ATAD3A: variants seen among roughly 807,000 people sequenced by gnomAD.
ATAD3A encodes ATPase family AAA domain-containing protein 3A.
Under a neutral mutation model 73.8 loss-of-function variants are expected in ATAD3A, and 46 were observed. The observed-to-expected ratio is 0.62, with a 90% CI of 0.49 to 0.80. The LOEUF (loss-of-function observed/expected upper bound fraction) is 0.80, where lower values mean the gene tolerates loss of function less well. Ranked by LOEUF, ATAD3A falls within the 30% of genes least tolerant of loss-of-function variation. The pLI is 0.00. For missense variants in ATAD3A, 705 were observed against 838.0 expected, an observed-to-expected ratio of 0.84 and a Z score of 1.96; for synonymous variants, 319 against 350.0, an observed-to-expected ratio of 0.91 and a Z score of 0.99.
chr1:1,518,343 G>A lies in ATAD3A; in HGVS notation c.444+568G>A, dbSNP rs553244626. On this transcript the variant is annotated intron_variant, in intron 4 of 15. Coordinates refer to ENST00000378756, the MANE Select transcript of ATAD3A (RefSeq NM_001170535.3). ...CCCCCACAGGCTCACTGGCACCCGCGCACTCGGGCACACACACAGCCCCAC... is the reference window on the plus strand; with the variant it reads ...CCCCCACAGGCTCACTGGCACCCGCACACTCGGGCACACACACAGCCCCAC... 7.3e-5 allele frequency among the ~76,000 whole-genome samples: 7 copies of A among 95,342 alleles called. No individual in the cohort carries two copies. The East Asian group carries it at 2.2e-3, about 30-fold the overall frequency. 62.5% of individuals were successfully genotyped at this position (95,342 alleles called of 152,430 possible).
chr1:1,517,467 G>A, intron 3 of ATAD3A, 55 bp downstream of exon 3: 1 of 1,353,074 alleles, frequency 7.4e-7, no homozygotes, highest in Non-Finnish European at 9.9e-7. Context: ...AGCGGCCTGG[G>A]GCAGGACTGG....
chr1:1,518,292 C>A (rs369016784), intron 4 of ATAD3A, among the ~76,000 whole-genome samples: 2,940 of 137,554 alleles, frequency 0.021, 137 homozygotes, highest in African/African-American at 0.074. Flanking sequence ...ACGTACCCCC[C>A]CACACACACA....
Position 1,516,020 on chromosome 1 carries a change from A to C in ATAD3A, c.214A>C (p.Lys72Gln). Residue 72 changes from lysine to glutamine, a missense_variant, in exon 2 of 16, where the codon AAG becomes CAG. Physicochemically the swap from Lys to Gln is moderately conservative, Grantham distance 53. Transcript: ENST00000378756. ...ARELEHSRYAKDALNLAQMQE... is the reference protein window; with the variant it reads ...ARELEHSRYAQDALNLAQMQE... ...TGTCCTTGCGTCTGCAGGTTATGCC[A>C]AGGACGCCCTGAATCTGGCACAGAT... 6.2e-7 allele frequency: 1 copy of C among 1,614,060 alleles called. No homozygotes were observed. Among genetic ancestry groups the C allele is most frequent in the Non-Finnish European group, 8.5e-7 (1 of 1,179,946 alleles).
At position 1,522,206 on chromosome 1, in the gene ATAD3A, A is replaced by AT. The variant is rs972795220; in HGVS notation, c.751-532dup. On this transcript the variant is annotated intron_variant, in intron 7 of 15. Coordinates refer to ENST00000378756, the MANE Select transcript of ATAD3A (RefSeq NM_001170535.3). ...AGGCATGTGCCACCATGGCCAGCTA[A>AT]TTTTTTGTATTTTTAGTAGAGACGG... Among the ~76,000 whole-genome samples, 7 of 151,866 alleles carry AT rather than the reference A, an allele frequency of 4.6e-5. 1 individual carries two copies. The highest frequency in any genetic ancestry group is 3.9e-4 in the East Asian group (2 of 5,144).
intron 2 of ATAD3A, among the ~76,000 whole-genome samples, chr1:1,516,335 G>GT (rs1413755809): frequency 6.6e-6 from 1 of 152,096 alleles, no homozygotes; most frequent in African/African-American, 2.4e-5. Flanking sequence ...GGGAGGGCCG[G>GT]TGTTGGTGAG....
chr1:1,525,419 TTTTTTTTTTTTTTG>T (rs1332844434), intron 12 of ATAD3A, 128 bp downstream of exon 12: 8 of 1,261,036 alleles, frequency 6.3e-6, no homozygotes, highest in Middle Eastern at 3.9e-4. Flanking sequence ...ACAGCTTTTT[TTTTTTTTTTTTTTG>T]AGAAGAAATC....
intron 14 of ATAD3A, 91 bp downstream of exon 14, chr1:1,527,953 C>CT: frequency 1.7e-6 from 2 of 1,143,984 alleles, no homozygotes; most frequent in Admixed American, 2.6e-5. Flanking sequence ...AAACCTTTAA[C>CT]ATTCCTTTTT....
In ATAD3A at chr1:1,523,367, G is replaced by C. The variant is rs1193390711; in HGVS notation, c.907-144G>C. The C allele has an allele frequency of 1.5e-6, 2 of 1,372,614 alleles. No homozygotes were observed. Among genetic ancestry groups the C allele is most frequent in the African/African-American group, 2.9e-5 (2 of 69,074 alleles). The allele number at this position is 1,372,614 out of a possible 1,614,324, so 85.0% of individuals were successfully genotyped here. On this transcript the variant is annotated intron_variant, in intron 8 of 15. Transcript: ENST00000378756. This position sits in a 1 kb window ranked among gnomAD's most constrained non-coding sequence, Gnocchi z 5.1. ...AATAGCCGCCTGGTCTCCGGGCGGG[G>C]CAGGGTTCCAGCTCCGGGCCGGTCC... is the stretch of plus-strand genomic sequence containing the variant.
intron 15 of ATAD3A, among the ~76,000 whole-genome samples, chr1:1,532,310 G>A (rs544033029): frequency 2.0e-5 from 3 of 152,316 alleles, no homozygotes; most frequent in East Asian, 3.9e-4. Flanking sequence ...CTTAGGATGA[G>A]TGAGGAAATG....
intron 14 of ATAD3A, 40 bp from the exon 15 acceptor site, chr1:1,529,183 C>T: frequency 6.2e-7 from 1 of 1,601,424 alleles, no homozygotes; most frequent in Non-Finnish European, 8.5e-7. Context: ...GTTGTGGGAG[C>T]TGCTGCCTTG....
rs368805470 is a variant in ATAD3A, at chr1:1,533,962, G to A, written c.1651G>A (p.Glu551Lys). The A allele has an allele frequency of 1.5e-4, 239 of 1,613,268 alleles. 2 individuals carry two copies. The highest frequency in any genetic ancestry group is 1.2e-3 in the South Asian group (108 of 91,082). The change falls in exon 16 of 16, where the codon GAG (glutamate) becomes AAG (lysine). Residue 551 changes from glutamate to lysine, a missense_variant. Physicochemically the swap from Glu to Lys is moderately conservative, Grantham distance 56 (BLOSUM62 1). Coordinates refer to ENST00000378756, the MANE Select transcript of ATAD3A (RefSeq NM_001170535.3). ...TGCCTCCGAGGACGGGGTCCTGACC[G>A]AGGCCATGATGGACACCCGCGTGCA... ...AYASEDGVLT[E>K]AMMDTRVQDA... is the part of the protein sequence containing the mutation.
Position 1,520,385 on chromosome 1 carries a change from C to T in ATAD3A, c.680+79C>T. ...TCGCTGGTCCCAGGGCGCTCTCCAG[C>T]TCTTCCAGGCCTTGCCGCCGTAGGC... On this transcript the variant is annotated intron_variant, in intron 6 of 15. Coordinates refer to ENST00000378756, the MANE Select transcript of ATAD3A (RefSeq NM_001170535.3). This position sits in a 1 kb window ranked among gnomAD's most constrained non-coding sequence, Gnocchi z 4.0. 1.3e-6 allele frequency: 2 copies of T among 1,593,450 alleles called. No homozygotes were observed. The highest frequency in any genetic ancestry group is 1.1e-5 in the South Asian group (1 of 88,738).
chr1:1,519,843 A>C (rs1206594896), intron 5 of ATAD3A, among the ~76,000 whole-genome samples: 2 of 152,198 alleles, frequency 1.3e-5, no homozygotes, highest in Non-Finnish European at 1.5e-5. Flanking sequence ...ATCCATGGGC[A>C]GGGCCGGCCT....
At position 1,534,144 on chromosome 1, in the gene ATAD3A, C is replaced by T. The variant is rs1395721415; in HGVS notation, c.*72C>T. The T allele has an allele frequency of 7.1e-5, 114 of 1,606,538 alleles. 1 individual carries two copies. Among genetic ancestry groups the T allele is most frequent in the Admixed American group, 3.3e-4 (20 of 59,734 alleles). On this transcript the variant is annotated 3_prime_UTR_variant, in exon 16 of 16. Transcript: ENST00000378756. ...CCCACCCCTGCCTTGCCGGCCCCTGCACATTTAGGATATGCTCCTGGGTGG... is the reference window on the plus strand; with the variant it reads ...CCCACCCCTGCCTTGCCGGCCCCTGTACATTTAGGATATGCTCCTGGGTGG...
chr1:1,516,346 G>A lies in ATAD3A; in HGVS notation c.282+258G>A, dbSNP rs548070365. Among the ~76,000 whole-genome samples the A allele has an allele frequency of 4.5e-4, 68 of 152,188 alleles. 1 individual carries two copies. The highest frequency in any genetic ancestry group is 4.2e-3 in the South Asian group (20 of 4,806). On this transcript the variant is annotated intron_variant, in intron 2 of 15. Coordinates refer to ENST00000378756, the MANE Select transcript of ATAD3A (RefSeq NM_001170535.3). The stretch of plus-strand genomic sequence containing the variant: ...CGGAGGGAGGGCCGGTGTTGGTGAG[G>A]GCGTCTGGTCGTCCGGATGGCCTGG...
At position 1,518,874 on chromosome 1, in the gene ATAD3A, G is replaced by A. The variant is rs750441299; in HGVS notation, c.445-47G>A. 1.9e-6 allele frequency: 3 copies of A among 1,613,858 alleles called. No homozygotes were observed. The South Asian group carries it at 3.3e-5, about 18-fold the overall frequency. ...GTCATCCCCCGCACACATGGGCACA[G>A]TCACAGGTTTTAAAGGCTTTTCTCT... On this transcript the variant is annotated intron_variant, in intron 4 of 15. Transcript: ENST00000378756.
rs200128053 is a variant in ATAD3A, at chr1:1,518,619, A to ACCCC, written c.445-301_445-300insCCCC. Among the ~76,000 whole-genome samples the ACCCC allele has an allele frequency of 6.1e-4, 31 of 50,580 alleles. No homozygotes were observed. In the East Asian group the frequency reaches 0.013, roughly 21 times the overall value. 33.2% of individuals were successfully genotyped at this position (50,580 alleles called of 152,430 possible). On this transcript the variant is annotated intron_variant, in intron 4 of 15. Transcript: ENST00000378756. ...GGCACACACCCACACACGGGCGTAC[A>ACCCC]CACCCCCCCCCACAGGCACGCACAA...
chr1:1,520,253 G>A lies in ATAD3A; in HGVS notation c.627G>A (p.Glu209=), dbSNP rs1348440027. 2.0e-5 allele frequency: 32 copies of A among 1,612,830 alleles called. No homozygotes were observed. The highest frequency in any genetic ancestry group is 2.5e-5 in the Non-Finnish European group (30 of 1,179,686). The change falls in exon 6 of 16, where the codon GAG becomes GAA. Residue 209 remains glutamate (E), a synonymous_variant. Transcript: ENST00000378756. This position sits in a 1 kb window ranked among gnomAD's most constrained non-coding sequence, Gnocchi z 4.0. ...AERENADIIR[E]QIRLKAAEHR... is the part of the protein sequence containing the mutation. ...GGGAGAATGCAGACATCATCCGCGA[G>A]CAGATCCGCCTGAAGGCGGCCGAGC...
At chr1:1,521,788 C>T (rs1418214405) in intron 7 of ATAD3A, among the ~76,000 whole-genome samples, 2 of 152,222 alleles carry the variant, frequency 1.3e-5, no homozygotes, top group Admixed American at 1.3e-4. Context: ...CAACCTCCAC[C>T]TCCCCAGTTC....
Sources: gnomAD v4.1 joint callset for allele counts (sites outside exome capture counted in the v4.1 genomes callset) on GRCh38, gnomAD v4.1.1 for gene constraint, Gnocchi (gnomAD v3.1) non-coding constraint, MANE v1.5 for transcripts, NCBI Gene and HGNC (gene_info 2026-07-23, HGNC 2026-07-21) for gene names.